The following CUL2 variants were observed in gnomAD, a reference collection of about 807,000 sequenced individuals.
The protein encoded by CUL2 is cullin-2.
Under a neutral mutation model 110.2 loss-of-function variants are expected in CUL2, and 22 were observed. The observed-to-expected ratio is 0.20, with a 90% CI of 0.14 to 0.28. CUL2 has a LOEUF of 0.28. Ranked by LOEUF, CUL2 falls within the 10% of genes least tolerant of loss-of-function variation. The probability of loss-of-function intolerance (pLI) is 1.00; values close to 1 mark genes in which losing one functional copy is unlikely to be tolerated. For missense variants in CUL2, 631 were observed against 905.5 expected (o/e 0.70, Z 3.89); for synonymous variants, 279 against 293.2 (o/e 0.95, Z 0.49).
Position 35,060,814 on chromosome 10 carries a change from G to A in CUL2, c.317+60C>T, listed in dbSNP as rs938547928. ...AAATAGGCAATAAAAAAATTATCCT[G>A]TCAACTACTGAATGCAGGCAACGCT... is the stretch of plus-strand genomic sequence containing the variant. On this transcript the variant is annotated intron_variant, in intron 4 of 20. Transcript: ENST00000374749. 8 of 1,331,076 alleles carry A rather than the reference G, an allele frequency of 6.0e-6. No individual in the cohort carries two copies. The Admixed American group carries it at 6.3e-5, about 10-fold the overall frequency. 82.5% of individuals were successfully genotyped at this position (1,331,076 alleles called of 1,614,324 possible).
In CUL2 at chr10:35,025,202, T is replaced by TAAAAAAAAAAAAAAAAAAA; in HGVS notation, c.1618-5_1618-4insTTTTTTTTTTTTTTTTTTT. On this transcript the variant is annotated splice_polypyrimidine_tract_variant and splice_region_variant and intron_variant, in intron 16 of 20. Coordinates refer to ENST00000374749, the MANE Select transcript of CUL2 (RefSeq NM_003591.4). ...GTTGGCTATAAAATAATTCAAACTG[T>TAAAAAAAAAAAAAAAAAAA]AAAAAAAAAAAAAAAACACACATTA... The TAAAAAAAAAAAAAAAAAAA allele has an allele frequency of 8.0e-7, 1 of 1,246,508 alleles. No individual in the cohort carries two copies. The highest frequency in any genetic ancestry group is 1.1e-6 in the Non-Finnish European group (1 of 929,030). 77.2% of individuals were successfully genotyped at this position (1,246,508 alleles called of 1,614,324 possible).
intron 1 of CUL2, among the ~76,000 whole-genome samples, chr10:35,113,490 C>G (rs2087548329): frequency 1.1e-5 from 1 of 87,540 alleles, no homozygotes; most frequent in South Asian, 4.9e-4. Flanking sequence ...AAGAGCAAGA[C>G]TCTGCCTCAA....
At chr10:35,103,499 A>G (rs1281785733) in intron 1 of CUL2, among the ~76,000 whole-genome samples, 77 of 149,472 alleles carry the variant, frequency 5.2e-4, no homozygotes, top group Admixed American at 9.4e-4. Flanking sequence ...TAATTTTTGT[A>G]TTTTTAGTAG....
At chr10:35,015,774 G>C (rs1179502420) in intron 18 of CUL2, among the ~76,000 whole-genome samples, 1 of 152,098 alleles carries the variant, frequency 6.6e-6, no homozygotes, top group Non-Finnish European at 1.5e-5. Context: ...ACTTGGAATG[G>C]AGTTACACAT....
intron 1 of CUL2, chr10:35,074,045 T>C (rs760414443): frequency 2.1e-4 from 163 of 787,908 alleles, no homozygotes; most frequent in Non-Finnish European, 3.2e-4. Context: ...TGTGCAACCA[T>C]GCTACCTCAC....
At chr10:35,013,833 A>G (rs2084962912) in intron 18 of CUL2, 33 bp from the exon 19 acceptor site, 2 of 1,331,546 alleles carry the variant, frequency 1.5e-6, no homozygotes, top group Non-Finnish European at 2.0e-6. Flanking sequence ...TATATTTATA[A>G]AAACCAAAAT....
intron 4 of CUL2, among the ~76,000 whole-genome samples, chr10:35,060,168 C>T (rs1443778451): frequency 1.3e-5 from 2 of 151,842 alleles, no homozygotes; most frequent in Non-Finnish European, 2.9e-5. Context: ...GAAGGGTGTT[C>T]GAGGTGGGAG....
intron 1 of CUL2, among the ~76,000 whole-genome samples, chr10:35,073,241 C>T (rs560535585): frequency 1.3e-5 from 2 of 152,250 alleles, no homozygotes; most frequent in African/African-American, 2.4e-5. Flanking sequence ...GGATTAGCAG[C>T]GATTTTACTC....
intron 5 of CUL2, among the ~76,000 whole-genome samples, chr10:35,050,971 A>C (rs1195917544): frequency 6.6e-6 from 1 of 152,236 alleles, no homozygotes; most frequent in Non-Finnish European, 1.5e-5. Context: ...CTTGACAACA[A>C]GTGGTACTGC....
intron 2 of CUL2, among the ~76,000 whole-genome samples, chr10:35,068,690 AAC>A (rs1389973973): frequency 6.6e-6 from 1 of 152,208 alleles, no homozygotes; most frequent in East Asian, 1.9e-4. Context: ...TTCAAATAAT[AAC>A]ACATATTTGA....
At chr10:35,028,725 C>G in intron 16 of CUL2, 85 bp downstream of exon 16, 1 of 869,276 alleles carries the variant, frequency 1.2e-6, no homozygotes, top group Non-Finnish European at 1.8e-6. Flanking sequence ...ACCCTTAAGA[C>G]TCTGAAAAAA....
chr10:35,034,450 G>A (rs964851659), intron 10 of CUL2, among the ~76,000 whole-genome samples: 3 of 152,080 alleles, frequency 2.0e-5, no homozygotes, highest in African/African-American at 7.2e-5. Context: ...CTGCAGCTAA[G>A]GTAACAGCCT....
Position 35,051,333 on chromosome 10 carries a change from G to T in CUL2, c.424-1568C>A, listed in dbSNP as rs571738501. On this transcript the variant is annotated intron_variant, in intron 5 of 20. Transcript: ENST00000374749. Reference sequence around the variant, plus strand: ...CCGTCTCAAAAAAGAAAAAAAACCGGCCAGGCGCGGTGGCTCACGCCTGTA... The same window carrying T: ...CCGTCTCAAAAAAGAAAAAAAACCGTCCAGGCGCGGTGGCTCACGCCTGTA... Among the ~76,000 whole-genome samples, 6 of 146,852 alleles carry T rather than the reference G, an allele frequency of 4.1e-5. No individual in the cohort carries two copies. The South Asian group carries it at 1.3e-3, about 32-fold the overall frequency.
At chr10:35,125,766 T>C (rs555050035) in intron 1 of CUL2, among the ~76,000 whole-genome samples, 1 of 152,376 alleles carries the variant, frequency 6.6e-6, no homozygotes, top group Non-Finnish European at 1.5e-5. Context: ...TCTAAGAACC[T>C]ATCGTTAAGT....
chr10:35,074,191 C>A, intron 1 of CUL2: 1 of 1,535,434 alleles, frequency 6.5e-7, no homozygotes, highest in Non-Finnish European at 8.7e-7. Flanking sequence ...AAATAACCTA[C>A]CTAAGCCAAA....
At chr10:35,068,425 T>TA (rs1012098085) in intron 2 of CUL2, among the ~76,000 whole-genome samples, 11 of 150,116 alleles carry the variant, frequency 7.3e-5, no homozygotes, top group African/African-American at 1.7e-4. Context: ...CTATGTCTAA[T>TA]AAAAAAAAAG....
intron 6 of CUL2, among the ~76,000 whole-genome samples, chr10:35,048,957 A>G (rs973995505): frequency 5.9e-5 from 9 of 152,302 alleles, no homozygotes; most frequent in East Asian, 1.9e-4. Flanking sequence ...ATGAGCACAG[A>G]TATAGGTGGA....
rs2084855987 is a variant in CUL2, at chr10:35,009,865, CTTTA to C, written c.*442_*445del. 6.6e-6 allele frequency: 1 copy of C among 151,278 alleles called. No individual in the cohort carries two copies. Among genetic ancestry groups the C allele is most frequent in the Non-Finnish European group, 1.5e-5 (1 of 67,746 alleles). 9.4% of individuals were successfully genotyped at this position (151,278 alleles called of 1,614,324 possible). ...TCCACATAAAAAAGGCATTCTATTT[CTTTA>C]TTTTTTTTTTATTTGACAAGCAGCA... On this transcript the variant is annotated 3_prime_UTR_variant, in exon 21 of 21. Transcript: ENST00000374749.
intron 1 of CUL2, among the ~76,000 whole-genome samples, chr10:35,075,636 AC>A (rs1212835341): frequency 3.2e-4 from 1 of 3,174 alleles, no homozygotes; most frequent in African/African-American, 9.0e-4. Context: ...GGGCCCTAAA[AC>A]ACACACACAC....
Sources: gnomAD v4.1 joint callset for allele counts (sites outside exome capture counted in the v4.1 genomes callset) on GRCh38, gnomAD v4.1.1 for gene constraint, MANE v1.5 for transcripts, NCBI Gene and HGNC (gene_info 2026-07-23, HGNC 2026-07-21) for gene names.